SBF2: variants seen among roughly 807,000 people sequenced by gnomAD.
The protein encoded by SBF2 is myotubularin-related protein 13.
A neutral mutation model predicts 225.2 loss-of-function variants in SBF2; 112 were observed. The ratio of observed to expected loss-of-function variants is 0.50; its 90% CI spans 0.43 to 0.58. SBF2 has a LOEUF of 0.58. SBF2 is among the 20% of genes least tolerant of loss of function. The probability of loss-of-function intolerance (pLI) is 0.00; values close to 1 mark genes in which losing one functional copy is unlikely to be tolerated. For synonymous variants in SBF2, 763 were observed against 773.3 expected (o/e 0.99, Z 0.22); for missense variants, 1,996 against 2,206.2 (o/e 0.90, Z 1.91).
intron 16 of SBF2, among the ~76,000 whole-genome samples, chr11:9,936,553 C>A (rs1864911254): frequency 6.6e-6 from 1 of 152,152 alleles, no homozygotes; most frequent in South Asian, 2.1e-4. Context: ...GGAACCAACC[C>A]AAATGTCCAT....
At chr11:10,153,135 C>A (rs563061535) in intron 2 of SBF2, among the ~76,000 whole-genome samples, 2 of 152,162 alleles carry the variant, frequency 1.3e-5, no homozygotes, top group African/African-American at 4.8e-5. Flanking sequence ...GTGACAAGAT[C>A]AAATTGGTGT....
intron 17 of SBF2, among the ~76,000 whole-genome samples, chr11:9,876,223 G>A (rs1318682128): frequency 6.6e-6 from 1 of 152,096 alleles, no homozygotes; most frequent in Non-Finnish European, 1.5e-5. Flanking sequence ...TGGTCAAGCT[G>A]TTTCATCTAC....
intron 2 of SBF2, among the ~76,000 whole-genome samples, chr11:10,048,204 T>A (rs1949938394): frequency 6.6e-6 from 1 of 152,146 alleles, no homozygotes; most frequent in African/African-American, 2.4e-5. Flanking sequence ...GCCCTTGATA[T>A]CCACATATTT....
chr11:9,935,881 C>A (rs1021005950), intron 16 of SBF2, among the ~76,000 whole-genome samples: 4 of 152,142 alleles, frequency 2.6e-5, no homozygotes, highest in African/African-American at 9.7e-5. Flanking sequence ...CAATACCATT[C>A]AGGACACAGG....
chr11:10,001,940 T>G (rs73408783), intron 7 of SBF2, among the ~76,000 whole-genome samples: 2,212 of 152,298 alleles, frequency 0.015, 37 homozygotes, highest in African/African-American at 0.038. Flanking sequence ...AGGTATAATA[T>G]TCTAGTTACA....
intron 2 of SBF2, among the ~76,000 whole-genome samples, chr11:10,110,143 T>C (rs1952767291): frequency 6.6e-6 from 1 of 152,194 alleles, no homozygotes; most frequent in African/African-American, 2.4e-5. Context: ...ACTGCCTTTA[T>C]TTGAGGCCAC....
At chr11:9,960,441 C>T (rs1207783807) in intron 16 of SBF2, 2 of 151,964 alleles carry the variant, frequency 1.3e-5, no homozygotes, top group East Asian at 3.9e-4. Flanking sequence ...GGAAATGATT[C>T]TTGTGTGTGG....
intron 2 of SBF2, among the ~76,000 whole-genome samples, chr11:10,190,370 A>G (rs970164206): frequency 6.6e-6 from 1 of 152,204 alleles, no homozygotes. Context: ...GTTTTCGTGT[A>G]TGCCTAAAAA....
intron 24 of SBF2, among the ~76,000 whole-genome samples, chr11:9,843,462 A>G (rs911017783): frequency 4.1e-4 from 63 of 152,242 alleles, no homozygotes; most frequent in African/African-American, 1.5e-3. Flanking sequence ...TATTTATTCA[A>G]ACAATTTAAC....
Position 10,081,481 on chromosome 11 carries a change from G to A in SBF2, c.142-38500C>T, listed in dbSNP as rs370077900. On this transcript the variant is annotated intron_variant, in intron 2 of 39. Coordinates refer to ENST00000256190, the MANE Select transcript of SBF2 (RefSeq NM_030962.4). ...AATACCTCCATTTAAAGAAATGGCTGGGCACGGTAGCTCACACCTGTAATC... is the reference window on the plus strand; with the variant it reads ...AATACCTCCATTTAAAGAAATGGCTAGGCACGGTAGCTCACACCTGTAATC... Among the ~76,000 whole-genome samples the A allele has an allele frequency of 2.0e-5, 3 of 152,256 alleles. No individual in the cohort carries two copies. In the East Asian group the frequency reaches 5.8e-4, roughly 29 times the overall value.
At chr11:9,808,593 G>A (rs1854637252) in intron 31 of SBF2, 1 of 409,646 alleles carries the variant, frequency 2.4e-6, no homozygotes, top group Non-Finnish European at 4.5e-6. Context: ...AGAGCCAGGG[G>A]ATGGACTGAC....
At chr11:10,176,828 C>G (rs1442038690) in intron 2 of SBF2, among the ~76,000 whole-genome samples, 5 of 152,184 alleles carry the variant, frequency 3.3e-5, no homozygotes, top group Non-Finnish European at 5.9e-5. Context: ...GGAATCCTCC[C>G]TAACTCATTT....
At chr11:10,289,317 G>A (rs1418430948) in intron 1 of SBF2, among the ~76,000 whole-genome samples, 2 of 152,138 alleles carry the variant, frequency 1.3e-5, no homozygotes, top group East Asian at 1.9e-4. Context: ...CCTCCTGCTC[G>A]TGGCCCCTTA....
chr11:9,857,560 C>T (rs1257945814), intron 18 of SBF2, among the ~76,000 whole-genome samples: 1 of 152,158 alleles, frequency 6.6e-6, no homozygotes, highest in Non-Finnish European at 1.5e-5. Flanking sequence ...CTTCAATGCA[C>T]TTTATATATG....
chr11:10,122,975 G>T (rs1241770177), intron 2 of SBF2, among the ~76,000 whole-genome samples: 1 of 152,060 alleles, frequency 6.6e-6, no homozygotes, highest in Non-Finnish European at 1.5e-5. Flanking sequence ...CCCATACCTT[G>T]TCTCCGTTTT....
At chr11:10,106,481 T>A (rs2134991078) in intron 2 of SBF2, among the ~76,000 whole-genome samples, 1 of 151,822 alleles carries the variant, frequency 6.6e-6, no homozygotes, top group Admixed American at 6.6e-5. Flanking sequence ...ACAAAAAAAA[T>A]AGCCGGACGT....
At chr11:9,906,727 C>G (rs920612301) in intron 16 of SBF2, among the ~76,000 whole-genome samples, 1 of 152,202 alleles carries the variant, frequency 6.6e-6, no homozygotes, top group Non-Finnish European at 1.5e-5. Context: ...GTCCCCTGTG[C>G]TTTGGCCAAA....
chr11:10,198,381 T>C (rs1363002871), intron 1 of SBF2, among the ~76,000 whole-genome samples: 1 of 152,208 alleles, frequency 6.6e-6, no homozygotes, highest in Non-Finnish European at 1.5e-5. Flanking sequence ...AATATTTTTA[T>C]GAGCAGTAGT....
intron 1 of SBF2, among the ~76,000 whole-genome samples, chr11:10,194,651 C>T (rs1371939210): frequency 1.3e-5 from 2 of 152,176 alleles, no homozygotes; most frequent in Non-Finnish European, 2.9e-5. Context: ...GCTGGGATTA[C>T]AGGCACCCAC....
Sources: allele counts gnomAD v4.1 joint callset (sites outside exome capture counted in the v4.1 genomes callset), GRCh38; gene constraint gnomAD v4.1.1; transcripts MANE v1.5; gene names NCBI Gene and HGNC (gene_info 2026-07-23, HGNC 2026-07-21).